Variants in RBFOX1 observed in about 807,000 individuals in gnomAD.
RBFOX1 encodes RNA binding fox-1 homolog 1.
RBFOX1 carries 8 observed loss-of-function variants against 57.7 expected under a neutral mutation model. The ratio of observed to expected loss-of-function variants is 0.14; its 90% confidence interval spans 0.08 to 0.25. RBFOX1 has a LOEUF of 0.25. RBFOX1 is among the 10% of genes least tolerant of loss of function. RBFOX1 has a pLI of 1.00. For synonymous variants in RBFOX1, 326 were observed against 222.4 expected, an observed-to-expected ratio of 1.47 and a Z score of -4.15; for missense variants, 611 against 548.5, an observed-to-expected ratio of 1.11 and a Z score of -1.14.
At chr16:7,226,697 T>C (rs2093145251) in intron 4 of RBFOX1, among the ~76,000 whole-genome samples, 2 of 152,200 alleles carry the variant, frequency 1.3e-5, no homozygotes, top group Non-Finnish European at 2.9e-5. Context: ...CAAAAAGTAC[T>C]GTAGAGGAGT....
chr16:6,699,668 C>G (rs571860579), intron 3 of RBFOX1, among the ~76,000 whole-genome samples: 1 of 152,096 alleles, frequency 6.6e-6, no homozygotes, highest in Non-Finnish European at 1.5e-5. Flanking sequence ...CTGCCCTGTT[C>G]TGATGATGGA....
intron 3 of RBFOX1, among the ~76,000 whole-genome samples, chr16:6,831,676 C>A (rs915393459): frequency 6.6e-6 from 1 of 152,116 alleles, no homozygotes; most frequent in African/African-American, 2.4e-5. Flanking sequence ...TGATAACTTG[C>A]AACCAGTTCT....
At chr16:6,887,260 C>T (rs2064274674) in intron 3 of RBFOX1, among the ~76,000 whole-genome samples, 1 of 152,130 alleles carries the variant, frequency 6.6e-6, no homozygotes, top group South Asian at 2.1e-4. Flanking sequence ...ATTTTGAGAA[C>T]TGTGTTATCT....
At chr16:6,567,093 T>G (rs1367289644) in intron 2 of RBFOX1, among the ~76,000 whole-genome samples, 1 of 152,194 alleles carries the variant, frequency 6.6e-6, no homozygotes, top group African/African-American at 2.4e-5. Context: ...AGACTGATAC[T>G]CTATTAAATG....
chr16:6,675,406 G>T (rs946443349), intron 3 of RBFOX1, among the ~76,000 whole-genome samples: 1 of 152,038 alleles, frequency 6.6e-6, no homozygotes, highest in Non-Finnish European at 1.5e-5. Context: ...ATTCAGGTGG[G>T]CTCTTCCCAA....
intron 3 of RBFOX1, among the ~76,000 whole-genome samples, chr16:6,935,181 G>A (rs184659092): frequency 2.0e-5 from 3 of 152,142 alleles, no homozygotes; most frequent in Admixed American, 6.6e-5. Flanking sequence ...TCCCATCATC[G>A]AAGTGAGATA....
chr16:6,240,012 C>G lies in RBFOX1; in HGVS notation c.-126-76983C>G, dbSNP rs377599957. On this transcript the variant is annotated intron_variant, in intron 1 of 15. Transcript: ENST00000550418. ...GTTTCGGTCATCGGAGTGGATCTCT[C>G]AAGGCTTGGTGCTGTCTTCATGACA... Among the ~76,000 whole-genome samples the G allele has an allele frequency of 1.8e-4, 27 of 152,184 alleles. 1 individual carries two copies. The highest frequency in any genetic ancestry group is 6.0e-4 in the African/African-American group (25 of 41,520).
rs113521602 is a variant in RBFOX1 at position 5,463,187 on chromosome 16, T to C, written c.220-4029T>C. Reference sequence around the variant, plus strand: ...GTTTGGAGAGTAGTAGGGAGTTTTCTCTTCCTTTATAATTCAAAGAGGATT... The same window carrying C: ...GTTTGGAGAGTAGTAGGGAGTTTTCCCTTCCTTTATAATTCAAAGAGGATT... On this transcript the variant is annotated intron_variant, in intron 1 of 2. Coordinates refer to the RBFOX1 transcript ENST00000585867. Among the ~76,000 whole-genome samples, 1,218 of 152,328 alleles carry C rather than the reference T, an allele frequency of 8.0e-3. 19 individuals carry two copies. Among genetic ancestry groups the C allele is most frequent in the African/African-American group, 0.027 (1,141 of 41,566 alleles).
At chr16:5,429,337 G>A (rs2067660051) in intron 1 of RBFOX1, among the ~76,000 whole-genome samples, 1 of 152,196 alleles carries the variant, frequency 6.6e-6, no homozygotes, top group South Asian at 2.1e-4. Context: ...TCTCCGCACT[G>A]GGTTCACTTT....
chr16:5,442,830 C>G (rs372564279), intron 1 of RBFOX1, among the ~76,000 whole-genome samples: 1 of 152,196 alleles, frequency 6.6e-6, no homozygotes, highest in Non-Finnish European at 1.5e-5. Flanking sequence ...GTCCCCCATG[C>G]AACCTTGGAA....
chr16:7,567,294 T>C (rs1406474357), intron 5 of RBFOX1, among the ~76,000 whole-genome samples: 2 of 73,024 alleles, frequency 2.7e-5, no homozygotes, highest in East Asian at 5.4e-4. Context: ...TATATCCTTA[T>C]ATATGGCCCT....
intron 4 of RBFOX1, among the ~76,000 whole-genome samples, chr16:7,337,899 C>G (rs749130109): frequency 2.6e-5 from 4 of 152,146 alleles, no homozygotes; most frequent in Non-Finnish European, 5.9e-5. Context: ...TGGTTAGGCT[C>G]ATCTTGAACT....
intron 3 of RBFOX1, among the ~76,000 whole-genome samples, chr16:6,805,448 G>GT (rs1300276784): frequency 6.6e-6 from 1 of 152,120 alleles, no homozygotes. Context: ...ACTTGGCTTA[G>GT]TACCTGGGTG....
chr16:7,062,385 C>A (rs556838135), intron 4 of RBFOX1, among the ~76,000 whole-genome samples: 11 of 149,134 alleles, frequency 7.4e-5, no homozygotes, highest in Non-Finnish European at 1.5e-4. Context: ...AGCTTTCTGT[C>A]TTCCTTCATG....
intron 2 of RBFOX1, among the ~76,000 whole-genome samples, chr16:5,566,682 G>GTA (rs35841037): frequency 3.3e-5 from 5 of 150,442 alleles, no homozygotes; most frequent in Non-Finnish European, 7.4e-5. Flanking sequence ...GTATATATGT[G>GTA]TATATATATA....
chr16:7,377,468 C>G (rs1261971890), intron 4 of RBFOX1, among the ~76,000 whole-genome samples: 1 of 152,182 alleles, frequency 6.6e-6, no homozygotes. Flanking sequence ...AATATGACAG[C>G]TTGGCTAACA....
intron 4 of RBFOX1, among the ~76,000 whole-genome samples, chr16:5,956,464 T>G (rs1229025810): frequency 1.3e-5 from 2 of 151,554 alleles, no homozygotes; most frequent in Non-Finnish European, 2.9e-5. Flanking sequence ...TGCAAGTTAC[T>G]GTACAGTCAA....
chr16:7,316,705 A>C (rs1025881155), intron 4 of RBFOX1, among the ~76,000 whole-genome samples: 5 of 152,082 alleles, frequency 3.3e-5, no homozygotes, highest in African/African-American at 1.2e-4. Flanking sequence ...GCTTTTTTGA[A>C]GAAGTGACAT....
chr16:6,330,055 C>T (rs542843431), intron 2 of RBFOX1, among the ~76,000 whole-genome samples: 1 of 152,268 alleles, frequency 6.6e-6, no homozygotes, highest in South Asian at 2.1e-4. Context: ...TCTTTCCCTT[C>T]TTCCCCATGC....
Sources: gnomAD v4.1 joint callset for allele counts (sites outside exome capture counted in the v4.1 genomes callset) on GRCh38, gnomAD v4.1.1 for gene constraint, MANE v1.5 for transcripts, NCBI Gene and HGNC (gene_info 2026-07-23, HGNC 2026-07-21) for gene names.